Variants in KLF12 observed in about 807,000 individuals in gnomAD.
The protein encoded by KLF12 is Krueppel-like factor 12.
A neutral mutation model predicts 37.8 loss-of-function variants in KLF12; 9 were observed. The ratio of observed to expected loss-of-function variants is 0.24; its 90% CI spans 0.14 to 0.42. The LOEUF (loss-of-function observed/expected upper bound fraction) is 0.42, where lower values mean the gene tolerates loss of function less well. Among genes scored for constraint, KLF12 ranks in the 10% least tolerant of loss-of-function variants. The pLI, the probability that KLF12 is intolerant of heterozygous loss-of-function variation, is 1.00. For missense variants in KLF12, 411 were observed against 516.0 expected (o/e 0.80, Z 1.97); for synonymous variants, 208 against 202.1 (o/e 1.03, Z -0.25).
the KLF12 span, among the ~76,000 whole-genome samples, chr13:74,176,233 A>G: frequency 6.6e-6 from 1 of 152,088 alleles, no homozygotes; most frequent in African/African-American, 2.4e-5. Context: ...TAGTTCCAAA[A>G]CATTGTTCCT....
the KLF12 span, among the ~76,000 whole-genome samples, chr13:74,186,599 C>A: frequency 1.3e-5 from 2 of 152,288 alleles, no homozygotes; most frequent in Middle Eastern, 3.4e-3. Flanking sequence ...AGGATAGCAG[C>A]TGTGTAACAT....
intron 3 of KLF12, among the ~76,000 whole-genome samples, chr13:73,887,732 A>AC (rs1887299664): frequency 6.6e-6 from 1 of 152,004 alleles, no homozygotes; most frequent in South Asian, 2.1e-4. Flanking sequence ...TTACAAAAAA[A>AC]ACACACAAAT....
At chr13:74,135,314 G>T (rs1486008111), upstream of KLF12, among the ~76,000 whole-genome samples, 1 of 151,932 alleles carries the variant, frequency 6.6e-6, no homozygotes, top group Non-Finnish European at 1.5e-5. Flanking sequence ...GACCCCCGCG[G>T]GGCCCGGGGG....
At chr13:73,999,748 A>G (rs893520827) in intron 1 of KLF12, among the ~76,000 whole-genome samples, 2 of 152,196 alleles carry the variant, frequency 1.3e-5, no homozygotes, top group African/African-American at 4.8e-5. Context: ...TCAAAAAAAC[A>G]AAAACAAAAA....
At chr13:74,038,242 G>C (rs1893309660) in intron 1 of KLF12, among the ~76,000 whole-genome samples, 1 of 152,144 alleles carries the variant, frequency 6.6e-6, no homozygotes, top group Non-Finnish European at 1.5e-5. Flanking sequence ...GAATGGGAGG[G>C]GGAATTCCTG....
intron 3 of KLF12, among the ~76,000 whole-genome samples, chr13:73,861,761 G>A (rs1282116880): frequency 6.6e-6 from 1 of 151,866 alleles, no homozygotes; most frequent in African/African-American, 2.4e-5. Flanking sequence ...TATCTACAGA[G>A]TCCAAACATA....
At chr13:74,219,036 A>T in the KLF12 span, among the ~76,000 whole-genome samples, 1 of 149,678 alleles carries the variant, frequency 6.7e-6, no homozygotes, top group African/African-American at 2.5e-5. Context: ...ACCTCAGCTC[A>T]CTGCTCCATC....
At chr13:74,166,167 A>G in the KLF12 span, among the ~76,000 whole-genome samples, 1 of 136,272 alleles carries the variant, frequency 7.3e-6, no homozygotes, top group Non-Finnish European at 1.5e-5. Flanking sequence ...ATCCCAGCTT[A>G]CTGCAGCCTT....
the KLF12 span, among the ~76,000 whole-genome samples, chr13:74,277,822 A>T: frequency 3.3e-5 from 5 of 152,138 alleles, no homozygotes; most frequent in Non-Finnish European, 5.9e-5. Context: ...CAGTTGAGGC[A>T]TCTCCCATAG....
Position 73,719,140 on chromosome 13 carries a change from T to G in KLF12, c.870-3615A>C, listed in dbSNP as rs148946944. On this transcript the variant is annotated intron_variant, in intron 6 of 7. Coordinates refer to ENST00000377669, the MANE Select transcript of KLF12 (RefSeq NM_007249.5). ...GCCTTTCAGAACTGCTGATTTGATC[T>G]TTTTGTGGAAAGGTAGGAAGGTAAG... 1.9e-3 allele frequency among the ~76,000 whole-genome samples: 288 copies of G among 152,256 alleles called. 5 individuals carry two copies. The highest frequency in any genetic ancestry group is 3.8e-4 in the Non-Finnish European group (26 of 68,018).
At chr13:74,079,481 C>A (rs1358140139) in intron 1 of KLF12, among the ~76,000 whole-genome samples, 1 of 152,180 alleles carries the variant, frequency 6.6e-6, no homozygotes. Context: ...AACTCTCGAT[C>A]TGGAAAGGAC....
chr13:74,031,177 A>T (rs1363328019), intron 1 of KLF12, among the ~76,000 whole-genome samples: 1 of 152,086 alleles, frequency 6.6e-6, no homozygotes, highest in Admixed American at 6.6e-5. Flanking sequence ...GGAAATTTGG[A>T]AATTCTCCAT....
At chr13:74,037,412 C>G (rs1453664406) in intron 1 of KLF12, among the ~76,000 whole-genome samples, 1 of 152,090 alleles carries the variant, frequency 6.6e-6, no homozygotes, top group Non-Finnish European at 1.5e-5. Context: ...TTAGACCCCC[C>G]ATGCCTACCA....
At chr13:73,801,652 C>T (rs1882284322) in intron 5 of KLF12, 1 of 152,038 alleles carries the variant, frequency 6.6e-6, no homozygotes, top group Admixed American at 6.6e-5. Context: ...GAAGATATCA[C>T]GTGGTGAAGT....
At chr13:73,870,175 C>T (rs764200012) in intron 3 of KLF12, among the ~76,000 whole-genome samples, 4 of 152,190 alleles carry the variant, frequency 2.6e-5, no homozygotes, top group Non-Finnish European at 5.9e-5. Flanking sequence ...ATCACTGTGA[C>T]GTCATCAAGC....
chr13:73,721,662 T>A (rs559564831), intron 6 of KLF12, among the ~76,000 whole-genome samples: 1 of 151,696 alleles, frequency 6.6e-6, no homozygotes, highest in East Asian at 1.9e-4. Context: ...AAACAATCCT[T>A]CCGCCTCAGC....
At chr13:74,107,680 C>T (rs1266554485) in intron 1 of KLF12, among the ~76,000 whole-genome samples, 2 of 152,144 alleles carry the variant, frequency 1.3e-5, no homozygotes, top group Non-Finnish European at 2.9e-5. Context: ...AAATAAAAGG[C>T]AGAGAAATAA....
intron 7 of KLF12, among the ~76,000 whole-genome samples, chr13:73,706,833 T>C (rs532260718): frequency 6.6e-6 from 1 of 152,342 alleles, no homozygotes; most frequent in South Asian, 2.1e-4. Flanking sequence ...ACAGCACCCA[T>C]TACATTCAAA....
the KLF12 span, among the ~76,000 whole-genome samples, chr13:74,156,544 C>T: frequency 2.0e-5 from 3 of 150,984 alleles, no homozygotes; most frequent in East Asian, 5.8e-4. Flanking sequence ...CCTTATTGTG[C>T]TATCAAATAG....
Sources: allele counts gnomAD v4.1 joint callset (sites outside exome capture counted in the v4.1 genomes callset), GRCh38; gene constraint gnomAD v4.1.1; transcripts MANE v1.5; gene names NCBI Gene and HGNC (gene_info 2026-07-23, HGNC 2026-07-21).